The following ZDHHC14 variants were observed in gnomAD, a reference collection of about 807,000 sequenced individuals.
ZDHHC14 encodes the protein palmitoyltransferase ZDHHC14.
In ZDHHC14, 16 loss-of-function variants were observed where a neutral mutation model predicts 47.7. The ratio of observed to expected loss-of-function variants is 0.34; its 90% CI spans 0.23 to 0.51. The LOEUF (loss-of-function observed/expected upper bound fraction) is 0.51. Ranked by LOEUF, ZDHHC14 falls within the 20% of genes least tolerant of loss-of-function variation. The pLI is 0.97. For missense variants in ZDHHC14, 515 were observed against 662.5 expected (o/e 0.78, Z 2.44); for synonymous variants, 293 against 278.9 (o/e 1.05, Z -0.50).
intron 1 of ZDHHC14, among the ~76,000 whole-genome samples, chr6:157,489,731 A>C (rs1252085631): frequency 2.6e-5 from 4 of 152,128 alleles, no homozygotes; most frequent in Non-Finnish European, 4.4e-5. Flanking sequence ...GGAGGGGAGA[A>C]ACCTGGGTTT....
chr6:157,515,339 C>G (rs1159030000), intron 1 of ZDHHC14, among the ~76,000 whole-genome samples: 1 of 152,194 alleles, frequency 6.6e-6, no homozygotes. Flanking sequence ...CACAGTGTAA[C>G]TGATTGCATT....
At position 157,628,579 on chromosome 6, in the gene ZDHHC14, G is replaced by A. The variant is rs568485234; in HGVS notation, c.703+93G>A. Reference sequence around the variant, plus strand: ...TTTGATTTAATATTTTGGTCATTTCGGGCTTTCTCTTTCCCTTTCTTTCTC... The same window carrying A: ...TTTGATTTAATATTTTGGTCATTTCAGGCTTTCTCTTTCCCTTTCTTTCTC... On this transcript the variant is annotated intron_variant, in intron 4 of 8. Transcript: ENST00000359775. 1.9e-5 allele frequency: 28 copies of A among 1,507,562 alleles called. No individual in the cohort carries two copies. In the South Asian group the frequency reaches 2.6e-4, roughly 14 times the overall value. The allele number at this position is 1,507,562 out of a possible 1,614,324, so 93.4% of individuals were successfully genotyped here. A position where few individuals can be genotyped will look rare whatever the true frequency, so the allele number is the denominator to read the frequency against.
At chr6:157,589,843 T>G (rs769709078) in intron 2 of ZDHHC14, among the ~76,000 whole-genome samples, 2 of 152,092 alleles carry the variant, frequency 1.3e-5, no homozygotes, top group Non-Finnish European at 2.9e-5. Context: ...TTGGAACAGT[T>G]TGGAAGGCTC....
chr6:157,518,627 G>A (rs1450959122), intron 1 of ZDHHC14, among the ~76,000 whole-genome samples: 1 of 151,832 alleles, frequency 6.6e-6, no homozygotes, highest in Non-Finnish European at 1.5e-5. Context: ...GCCTGTCCCC[G>A]CCTTTCCCAC....
chr6:157,439,434 A>G (rs760813137), intron 1 of ZDHHC14, among the ~76,000 whole-genome samples: 3 of 152,230 alleles, frequency 2.0e-5, no homozygotes, highest in Non-Finnish European at 4.4e-5. Context: ...ATCATTAGAG[A>G]AATGCAAATC....
chr6:157,458,369 C>A (rs182673577), intron 1 of ZDHHC14, among the ~76,000 whole-genome samples: 2 of 151,942 alleles, frequency 1.3e-5, no homozygotes, highest in South Asian at 2.1e-4. Flanking sequence ...TGTGGATGGG[C>A]GGACAACATG....
intron 2 of ZDHHC14, among the ~76,000 whole-genome samples, chr6:157,554,974 G>T (rs949280844): frequency 6.6e-6 from 1 of 152,184 alleles, no homozygotes; most frequent in Non-Finnish European, 1.5e-5. Flanking sequence ...CCTGCCACCC[G>T]AAGTGGGAGT....
intron 2 of ZDHHC14, 108 bp downstream of exon 2, chr6:157,542,853 G>A (rs1781825091): frequency 7.3e-7 from 1 of 1,372,740 alleles, no homozygotes; most frequent in African/African-American, 1.5e-5. Flanking sequence ...CGCTGGGAAG[G>A]AAGGAGGCCA....
At position 157,441,744 on chromosome 6, in the gene ZDHHC14, G is replaced by A. The variant is rs111667147; in HGVS notation, c.245+59478G>A. ...TCCCAGCTACTCGGGAGGCTGAGGT[G>A]GGAGACTCACTTGAACCCTAGAGGA... On this transcript the variant is annotated intron_variant, in intron 1 of 8. Coordinates refer to ENST00000359775, the MANE Select transcript of ZDHHC14 (RefSeq NM_024630.3). Among the ~76,000 whole-genome samples the A allele has an allele frequency of 6.0e-3, 910 of 152,176 alleles. 7 individuals carry two copies. Among genetic ancestry groups the A allele is most frequent in the African/African-American group, 0.021 (853 of 41,520 alleles).
At chr6:157,620,765 C>T (rs1016655779) in intron 3 of ZDHHC14, among the ~76,000 whole-genome samples, 7 of 152,180 alleles carry the variant, frequency 4.6e-5, no homozygotes, top group East Asian at 3.9e-4. Flanking sequence ...CCAGCAGAGA[C>T]GCTTTGGGTC....
chr6:157,520,486 T>C (rs1780874500), intron 1 of ZDHHC14, among the ~76,000 whole-genome samples: 1 of 152,214 alleles, frequency 6.6e-6, no homozygotes, highest in Non-Finnish European at 1.5e-5. Flanking sequence ...AAGGCATACA[T>C]CTACAGCCAC....
At chr6:157,498,857 G>A (rs761174937) in intron 1 of ZDHHC14, among the ~76,000 whole-genome samples, 2 of 152,168 alleles carry the variant, frequency 1.3e-5, no homozygotes, top group Non-Finnish European at 2.9e-5. Flanking sequence ...GGTTAAAGCC[G>A]CCTATGGCTG....
chr6:157,539,016 C>T (rs1409636357), intron 1 of ZDHHC14, among the ~76,000 whole-genome samples: 4 of 151,960 alleles, frequency 2.6e-5, no homozygotes, highest in African/African-American at 4.8e-5. Flanking sequence ...GTAGGAACGG[C>T]GGAAGCATGG....
intron 2 of ZDHHC14, among the ~76,000 whole-genome samples, chr6:157,570,032 T>A (rs1783039535): frequency 6.6e-6 from 1 of 152,260 alleles, no homozygotes; most frequent in Non-Finnish European, 1.5e-5. Flanking sequence ...TGGGCATTTT[T>A]ATTCTTTAAA....
chr6:157,448,697 C>T (rs957871116), intron 1 of ZDHHC14, among the ~76,000 whole-genome samples: 5 of 152,172 alleles, frequency 3.3e-5, no homozygotes, highest in Non-Finnish European at 5.9e-5. Flanking sequence ...CTGCCTCAGC[C>T]TCCTGAGTAG....
chr6:157,596,220 C>T (rs1414734660), intron 3 of ZDHHC14, among the ~76,000 whole-genome samples: 2 of 152,142 alleles, frequency 1.3e-5, no homozygotes, highest in Non-Finnish European at 2.9e-5. Context: ...GAGTGGAAGG[C>T]AAATGTCTCC....
chr6:157,471,555 C>T (rs550999059), intron 1 of ZDHHC14, among the ~76,000 whole-genome samples: 14 of 152,276 alleles, frequency 9.2e-5, no homozygotes, highest in African/African-American at 2.9e-4. Flanking sequence ...AGAAGGAAGA[C>T]GTTATCACAG....
chr6:157,619,191 G>C (rs1426413893), intron 3 of ZDHHC14, among the ~76,000 whole-genome samples: 1 of 151,500 alleles, frequency 6.6e-6, no homozygotes, highest in South Asian at 2.1e-4. Context: ...GACCAGCCTG[G>C]CCAACATGGT....
At chr6:157,485,113 TAAATA>T (rs1554260710) in intron 1 of ZDHHC14, among the ~76,000 whole-genome samples, 4 of 151,874 alleles carry the variant, frequency 2.6e-5, no homozygotes, top group Admixed American at 2.0e-4. Context: ...CCAATAAAAA[TAAATA>T]AAATAAAATA....
Sources: gnomAD v4.1 joint callset for allele counts (sites outside exome capture counted in the v4.1 genomes callset) on GRCh38, gnomAD v4.1.1 for gene constraint, MANE v1.5 for transcripts, NCBI Gene and HGNC (gene_info 2026-07-23, HGNC 2026-07-21) for gene names.